Variants in IQGAP1 observed in about 807,000 individuals in gnomAD.
IQGAP1 encodes ras GTPase-activating-like protein IQGAP1.
Under a neutral mutation model 215.6 loss-of-function variants are expected in IQGAP1, and 66 were observed. That is an observed-to-expected ratio of 0.31 (90% CI 0.25 to 0.38). The LOEUF is 0.38. Ranked by LOEUF, IQGAP1 falls within the 10% of genes least tolerant of loss-of-function variation. IQGAP1 has a pLI of 1.00. For synonymous variants in IQGAP1, 772 were observed against 728.7 expected, an observed-to-expected ratio of 1.06 and a Z score of -0.96; for missense variants, 1,712 against 1,997.1, an observed-to-expected ratio of 0.86 and a Z score of 2.72.
intron 11 of IQGAP1, 27 bp from the exon 12 acceptor site, chr15:90,452,748 C>T (rs377043422): frequency 6.9e-5 from 111 of 1,610,954 alleles, no homozygotes; most frequent in Admixed American, 8.4e-5. Flanking sequence ...AAGCCCACTG[C>T]GTTTCTGACT....
At chr15:90,442,430 G>A (rs538807337) in intron 8 of IQGAP1, among the ~76,000 whole-genome samples, 94 of 149,076 alleles carry the variant, frequency 6.3e-4, no homozygotes, top group Non-Finnish European at 1.1e-3. Context: ...AGGAGACAGG[G>A]CGAGACTCCG....
At position 90,453,383 on chromosome 15, in the gene IQGAP1, T is replaced by C. The variant is rs893567995; in HGVS notation, c.1487+91T>C. On this transcript the variant is annotated intron_variant, in intron 13 of 37. Coordinates refer to ENST00000268182, the MANE Select transcript of IQGAP1 (RefSeq NM_003870.4). ...GTGCTCCGATTTTCTTTGCAGGCATTATTACTTTATCATGGTCATACTTTT... is the reference window on the plus strand; with the variant it reads ...GTGCTCCGATTTTCTTTGCAGGCATCATTACTTTATCATGGTCATACTTTT... 13 of 957,208 alleles carry C rather than the reference T, an allele frequency of 1.4e-5. No individual in the cohort carries two copies. The African/African-American group carries it at 2.0e-4, about 15-fold the overall frequency. The allele number at this position is 957,208 out of a possible 1,614,324, so 59.3% of individuals were successfully genotyped here.
Position 90,474,516 on chromosome 15 carries a change from C to A in IQGAP1, c.2607C>A (p.Val869=). Residue 869 remains valine, a synonymous_variant, in exon 23 of 38, where the codon GTC becomes GTA. Transcript: ENST00000268182. ...INAEDPPMVV[V]RKFVHLLDQS... is the part of the protein sequence containing the mutation. ...CTGAGGATCCTCCTATGGTTGTGGTCCGAAAATTTGTCCACCTGCTGGACC... is the reference window on the plus strand; with the variant it reads ...CTGAGGATCCTCCTATGGTTGTGGTACGAAAATTTGTCCACCTGCTGGACC... 1 of 1,614,098 alleles carries A rather than the reference C, an allele frequency of 6.2e-7. No individual in the cohort carries two copies. Among genetic ancestry groups the A allele is most frequent in the Non-Finnish European group, 8.5e-7 (1 of 1,179,978 alleles).
chr15:90,477,094 A>G lies in IQGAP1; in HGVS notation c.2968A>G (p.Ile990Val), dbSNP rs750773364. 5.0e-6 allele frequency: 8 copies of G among 1,613,590 alleles called. No homozygotes were observed. Among genetic ancestry groups the G allele is most frequent in the Non-Finnish European group, 6.8e-6 (8 of 1,179,714 alleles). ...QTNPTYLAKL[I>V]FQMPQNKSTK... ...CAATCCCACCTATCTGGCCAAGCTC[A>G]TTTTTCAGATGCCCCAGAACAAGTC... The change falls in exon 25 of 38, where the codon ATT becomes GTT. Residue 990 changes from isoleucine (I) to valine (V), a missense_variant. Around this residue, in one of 2 missense-constraint regions of IQGAP1, gnomAD observed 691 missense variants for 923.0 expected, o/e 0.75. Coordinates refer to ENST00000268182, the MANE Select transcript of IQGAP1 (RefSeq NM_003870.4).
intron 2 of IQGAP1, among the ~76,000 whole-genome samples, chr15:90,414,188 C>G (rs1297942778): frequency 1.3e-5 from 2 of 151,976 alleles, no homozygotes; most frequent in Non-Finnish European, 2.9e-5. Context: ...GGTGCAGTGA[C>G]TCATGCCTGT....
chr15:90,473,135 C>G, intron 19 of IQGAP1, 125 bp downstream of exon 19: 1 of 839,778 alleles, frequency 1.2e-6, no homozygotes. Context: ...CTTCTCTTTC[C>G]TTTGACAGGT....
chr15:90,401,952 G>A (rs1014818484), intron 2 of IQGAP1, among the ~76,000 whole-genome samples: 1 of 152,158 alleles, frequency 6.6e-6, no homozygotes, highest in Non-Finnish European at 1.5e-5. Context: ...TTTTCCCAAG[G>A]TCATATATTG....
At chr15:90,494,050 A>G (rs1401198899) in intron 35 of IQGAP1, 1 of 152,222 alleles carries the variant, frequency 6.6e-6, no homozygotes, top group Non-Finnish European at 1.5e-5. Flanking sequence ...TTATTCCATT[A>G]TGCAGATAGA....
chr15:90,477,557 A>T, intron 25 of IQGAP1, 108 bp from the exon 26 acceptor site: 1 of 820,348 alleles, frequency 1.2e-6, no homozygotes, highest in Non-Finnish European at 2.0e-6. Context: ...AGTGCTGGGG[A>T]ATGTTTCGAG....
chr15:90,421,277 A>T (rs1260578093), intron 2 of IQGAP1, among the ~76,000 whole-genome samples: 3 of 152,120 alleles, frequency 2.0e-5, no homozygotes, highest in Non-Finnish European at 4.4e-5. Flanking sequence ...GGAGTTCAGG[A>T]CCAACCTGGC....
At chr15:90,395,894 C>G (rs577765198) in intron 2 of IQGAP1, among the ~76,000 whole-genome samples, 2 of 152,312 alleles carry the variant, frequency 1.3e-5, no homozygotes, top group African/African-American at 2.4e-5. Flanking sequence ...TTCCAGCATT[C>G]TCTGAGTTTC....
intron 5 of IQGAP1, 62 bp from the exon 6 acceptor site, chr15:90,439,269 CT>C: frequency 7.6e-7 from 1 of 1,318,024 alleles, no homozygotes; most frequent in East Asian, 2.3e-5. Flanking sequence ...TGATTTTCGC[CT>C]TTTAAGGGTG....
chr15:90,483,952 G>C (rs7175476), intron 29 of IQGAP1, among the ~76,000 whole-genome samples: 28,782 of 152,064 alleles, frequency 0.19, 2,843 homozygotes, highest in South Asian at 0.23. Flanking sequence ...AGATAGAATT[G>C]GTTCTCCTAA....
intron 15 of IQGAP1, among the ~76,000 whole-genome samples, chr15:90,463,868 C>T (rs1965795028): frequency 6.6e-6 from 1 of 152,170 alleles, no homozygotes; most frequent in South Asian, 2.1e-4. Flanking sequence ...TATCCTGTCA[C>T]CTGCACTCTT....
At chr15:90,476,178 C>G (rs1965977166) in intron 23 of IQGAP1, among the ~76,000 whole-genome samples, 1 of 152,112 alleles carries the variant, frequency 6.6e-6, no homozygotes, top group Non-Finnish European at 1.5e-5. Context: ...AGGTGATCCT[C>G]CTGCCTCAGC....
rs886640452 is a variant in IQGAP1, at chr15:90,425,307, C to T, written c.156-803C>T. Among the ~76,000 whole-genome samples the T allele has an allele frequency of 9.2e-5, 14 of 151,648 alleles. 1 individual carries two copies. Among genetic ancestry groups the T allele is most frequent in the African/African-American group, 3.4e-4 (14 of 41,296 alleles). On this transcript the variant is annotated intron_variant, in intron 2 of 37. Coordinates refer to ENST00000268182, the MANE Select transcript of IQGAP1 (RefSeq NM_003870.4). ...GCTGGGCAATAGAGTGAGACTTTGT[C>T]TCAAAAGAAAAAAGAAGAAAAGGAA...
At chr15:90,401,233 T>TA (rs1359225105) in intron 2 of IQGAP1, among the ~76,000 whole-genome samples, 1 of 152,084 alleles carries the variant, frequency 6.6e-6, no homozygotes, top group African/African-American at 2.4e-5. Flanking sequence ...GTGCGTGAAT[T>TA]AAAAAAATCT....
chr15:90,445,228 T>G (rs1965510874), intron 9 of IQGAP1, among the ~76,000 whole-genome samples: 1 of 152,120 alleles, frequency 6.6e-6, no homozygotes, highest in Non-Finnish European at 1.5e-5. Flanking sequence ...TGTGTAACAT[T>G]GGGCACCTGC....
At chr15:90,438,445 C>T (rs1965400461) in intron 5 of IQGAP1, among the ~76,000 whole-genome samples, 1 of 151,922 alleles carries the variant, frequency 6.6e-6, no homozygotes, top group African/African-American at 2.4e-5. Flanking sequence ...TTTCATGAAG[C>T]TTAGAGTCTA....
Sources: allele counts gnomAD v4.1 joint callset (sites outside exome capture counted in the v4.1 genomes callset), GRCh38; gene constraint gnomAD v4.1.1; regional missense constraint gnomAD v4.1.1; transcripts MANE v1.5; gene names NCBI Gene and HGNC (gene_info 2026-07-23, HGNC 2026-07-21).